PDE8A: variants seen among roughly 807,000 people sequenced by gnomAD.
PDE8A encodes the protein high affinity cAMP-specific and IBMX-insensitive 3',5'-cyclic phosphodiesterase 8A.
A neutral mutation model predicts 105.0 loss-of-function variants in PDE8A; 59 were observed. The observed-to-expected ratio is 0.56, with a 90% CI of 0.46 to 0.70. The LOEUF is 0.70. Ranked by LOEUF, PDE8A falls within the 30% of genes least tolerant of loss-of-function variation. The pLI is 0.00. For synonymous variants in PDE8A, 355 were observed against 371.9 expected (o/e 0.95, Z 0.52); for missense variants, 1,014 against 1,045.9 (o/e 0.97, Z 0.42).
intron 1 of PDE8A, among the ~76,000 whole-genome samples, chr15:85,047,349 G>A (rs539416598): frequency 3.5e-4 from 54 of 152,248 alleles, no homozygotes; most frequent in African/African-American, 1.3e-3. Context: ...CACTGCTGAC[G>A]TCTGCTCACT....
intron 12 of PDE8A, 95 bp downstream of exon 12, chr15:85,109,225 C>G (rs1446606505): frequency 2.7e-6 from 2 of 750,374 alleles, no homozygotes; most frequent in African/African-American, 3.5e-5. Flanking sequence ...CTGTCTACCT[C>G]CAATTCTTGG....
chr15:85,085,183 C>G (rs574945466), intron 6 of PDE8A, among the ~76,000 whole-genome samples: 1 of 152,318 alleles, frequency 6.6e-6, no homozygotes, highest in South Asian at 2.1e-4. Context: ...CTGCTTACCT[C>G]TCTGTCCTCA....
At chr15:85,035,197 CTTTTTTT>C (rs35548176) in intron 1 of PDE8A, among the ~76,000 whole-genome samples, 13 of 57,766 alleles carry the variant, frequency 2.3e-4, no homozygotes, top group Non-Finnish European at 3.3e-4. Flanking sequence ...TGGGTATTTC[CTTTTTTT>C]TTTTTTTTTT....
chr15:85,055,057 A>G (rs184689876), intron 1 of PDE8A, among the ~76,000 whole-genome samples: 1 of 151,974 alleles, frequency 6.6e-6, no homozygotes, highest in Admixed American at 6.5e-5. Flanking sequence ...TTCTGCCTTC[A>G]TTTCGTTATG....
chr15:84,994,129 C>G (rs145100413), intron 1 of PDE8A, among the ~76,000 whole-genome samples: 1 of 152,116 alleles, frequency 6.6e-6, no homozygotes, highest in African/African-American at 2.4e-5. Flanking sequence ...TTTTAAGTCA[C>G]GAATTCATTC....
intron 1 of PDE8A, among the ~76,000 whole-genome samples, chr15:84,996,768 G>A (rs1273624690): frequency 7.4e-6 from 1 of 135,966 alleles, no homozygotes; most frequent in African/African-American, 2.7e-5. Context: ...AGAGATTGCA[G>A]TGAGCCGAGA....
intron 6 of PDE8A, among the ~76,000 whole-genome samples, chr15:85,087,777 G>A (rs1041195214): frequency 2.6e-5 from 4 of 152,192 alleles, no homozygotes; most frequent in African/African-American, 9.6e-5. Context: ...GTGCCAGTGA[G>A]AAAAGCAGAT....
In PDE8A at chr15:85,004,231, C is replaced by T. The variant is rs149705779; in HGVS notation, c.186+21883C>T. On this transcript the variant is annotated intron_variant, in intron 1 of 21. Transcript: ENST00000394553. ...TGTGTAGTTTGGGTGGGATTGAGCT[C>T]ATTTCCAGCTCTAGGGTGGGCCCCA... Among the ~76,000 whole-genome samples, 111 of 152,268 alleles carry T rather than the reference C, an allele frequency of 7.3e-4. 1 individual carries two copies. The highest frequency in any genetic ancestry group is 2.6e-3 in the African/African-American group (109 of 41,554).
chr15:85,011,413 T>G (rs2080237205), intron 1 of PDE8A, among the ~76,000 whole-genome samples: 1 of 152,218 alleles, frequency 6.6e-6, no homozygotes, highest in Non-Finnish European at 1.5e-5. Flanking sequence ...TTGGCAAGTT[T>G]CATAACCTTT....
At chr15:84,991,907 G>T (rs1487751001) in intron 1 of PDE8A, among the ~76,000 whole-genome samples, 2 of 152,232 alleles carry the variant, frequency 1.3e-5, no homozygotes, top group African/African-American at 4.8e-5. Context: ...CAGCACTTTG[G>T]GAGGCCGAGG....
chr15:85,044,728 C>T (rs989247383), intron 1 of PDE8A, among the ~76,000 whole-genome samples: 3 of 152,232 alleles, frequency 2.0e-5, no homozygotes, highest in Admixed American at 1.3e-4. Context: ...GTTTGGACTA[C>T]TGCAGAAGCT....
At position 85,085,533 on chromosome 15, in the gene PDE8A, A is replaced by G. The variant is rs570688845; in HGVS notation, c.635+1889A>G. Reference sequence around the variant, plus strand: ...GCCAACATGGCGAAACCCTGTCTCTATTAAAAATACTAAAATTAGCCGGGC... The same window carrying G: ...GCCAACATGGCGAAACCCTGTCTCTGTTAAAAATACTAAAATTAGCCGGGC... On this transcript the variant is annotated intron_variant, in intron 6 of 21. Coordinates refer to ENST00000394553, the MANE Select transcript of PDE8A (RefSeq NM_002605.3). Among the ~76,000 whole-genome samples the G allele has an allele frequency of 1.9e-4, 29 of 152,062 alleles. 1 individual carries two copies. The South Asian group carries it at 3.3e-3, about 17-fold the overall frequency.
intron 1 of PDE8A, among the ~76,000 whole-genome samples, chr15:85,010,550 A>G (rs35000527): frequency 0.13 from 19,534 of 152,128 alleles, 1,659 homozygotes; most frequent in Middle Eastern, 0.24. Flanking sequence ...ACATGTCTGT[A>G]TGTATTTGAT....
chr15:85,051,119 A>T (rs1464928291), intron 1 of PDE8A, among the ~76,000 whole-genome samples: 1 of 152,060 alleles, frequency 6.6e-6, no homozygotes, highest in Non-Finnish European at 1.5e-5. Context: ...GGTCATTGTT[A>T]GTGTATAGAA....
chr15:85,076,747 A>T lies in PDE8A; in HGVS notation c.506A>T (p.Glu169Val). The change falls in exon 5 of 22, where the codon GAG becomes GTG. Residue 169 changes from glutamate (E) to valine (V), a missense_variant. By Grantham distance (121) the Glu-to-Val change is moderately radical. Coordinates refer to ENST00000394553, the MANE Select transcript of PDE8A (RefSeq NM_002605.3). ...TTATTTTGAAGGGTGGATAGAGAAG[A>T]GTTGTCCGTAATGCCTTTCATTTCT... The part of the protein sequence containing the change: ...VGVVRRVDRE[E>V]LSVMPFISAG... 6.3e-7 allele frequency: 1 copy of T among 1,596,714 alleles called. No individual in the cohort carries two copies. Among genetic ancestry groups the T allele is most frequent in the Non-Finnish European group, 8.6e-7 (1 of 1,164,176 alleles).
chr15:85,020,565 C>T (rs898125264), intron 1 of PDE8A, among the ~76,000 whole-genome samples: 1 of 152,216 alleles, frequency 6.6e-6, no homozygotes, highest in African/African-American at 2.4e-5. Flanking sequence ...AATTGTACCA[C>T]TGCACTCTAG....
intron 11 of PDE8A, among the ~76,000 whole-genome samples, chr15:85,102,809 A>G (rs1346498840): frequency 6.6e-6 from 1 of 150,484 alleles, no homozygotes; most frequent in Non-Finnish European, 1.5e-5. Context: ...ATTGTACTCC[A>G]GCCTGGGCTA....
chr15:85,014,882 A>G (rs2080298825), intron 1 of PDE8A, among the ~76,000 whole-genome samples: 1 of 152,174 alleles, frequency 6.6e-6, no homozygotes, highest in Non-Finnish European at 1.5e-5. Context: ...TGTTTTCATC[A>G]AAGAAACCCT....
intron 19 of PDE8A, among the ~76,000 whole-genome samples, chr15:85,124,607 C>T (rs2082231373): frequency 6.6e-6 from 1 of 152,200 alleles, no homozygotes; most frequent in Non-Finnish European, 1.5e-5. Flanking sequence ...GCATATTACC[C>T]CATGACACTT....
Sources: allele counts gnomAD v4.1 joint callset (sites outside exome capture counted in the v4.1 genomes callset), GRCh38; gene constraint gnomAD v4.1.1; transcripts MANE v1.5; gene names NCBI Gene and HGNC (gene_info 2026-07-23, HGNC 2026-07-21).